OTOGL: variants seen among roughly 807,000 people sequenced by gnomAD.
OTOGL encodes otogelin like.
In OTOGL, 285 loss-of-function variants were observed where a neutral mutation model predicts 318.5. That is an observed-to-expected ratio of 0.89 (90% confidence interval 0.81 to 0.99). The LOEUF is 0.99. Among genes scored for constraint, OTOGL ranks in the 50% least tolerant of loss-of-function variants. OTOGL has a pLI of 0.00. For synonymous variants in OTOGL, 987 were observed against 936.5 expected (o/e 1.05, Z -0.99); for missense variants, 2,899 against 2,845.6 (o/e 1.02, Z -0.43).
chr12:80,283,304 A>G (rs180858174), intron 26 of OTOGL, among the ~76,000 whole-genome samples: 54 of 152,128 alleles, frequency 3.5e-4, no homozygotes, highest in Middle Eastern at 3.4e-3. Context: ...ATAGCGTCAT[A>G]AAGTCAAACC....
chr12:80,275,255 A>G (rs1012751874), intron 24 of OTOGL, among the ~76,000 whole-genome samples: 1 of 151,962 alleles, frequency 6.6e-6, no homozygotes, highest in African/African-American at 2.4e-5. Context: ...AAATATCAAC[A>G]CGAACAGGAG....
chr12:80,141,490 T>C (rs115960378), intron 1 of OTOGL, among the ~76,000 whole-genome samples: 2,825 of 152,236 alleles, frequency 0.019, 82 homozygotes, highest in African/African-American at 0.063. Flanking sequence ...AACTTGAGTA[T>C]TCTGAGCACT....
chr12:80,156,195 G>A (rs189302267), intron 1 of OTOGL, among the ~76,000 whole-genome samples: 15 of 152,316 alleles, frequency 9.8e-5, no homozygotes, highest in Admixed American at 3.3e-4. Flanking sequence ...TGGCCAGAAT[G>A]GAAGCAGGCA....
At chr12:80,174,705 A>G (rs557760498) in intron 1 of OTOGL, among the ~76,000 whole-genome samples, 4 of 152,296 alleles carry the variant, frequency 2.6e-5, no homozygotes, top group African/African-American at 9.6e-5. Flanking sequence ...GGAAGATATC[A>G]TATCTAATCA....
At chr12:80,325,906 G>A (rs1488281535) in intron 35 of OTOGL, among the ~76,000 whole-genome samples, 1 of 152,116 alleles carries the variant, frequency 6.6e-6, no homozygotes, top group Non-Finnish European at 1.5e-5. Flanking sequence ...AGTCTCTGGG[G>A]TGGTGGAACC....
At chr12:80,188,310 C>T (rs556484085) in intron 1 of OTOGL, among the ~76,000 whole-genome samples, 28 of 151,944 alleles carry the variant, frequency 1.8e-4, no homozygotes, top group Middle Eastern at 3.4e-3. Flanking sequence ...GAGGCCGAGG[C>T]GGGCAGATCA....
chr12:80,159,631 C>A (rs1463348869), intron 1 of OTOGL, among the ~76,000 whole-genome samples: 1 of 152,084 alleles, frequency 6.6e-6, no homozygotes, highest in Admixed American at 6.6e-5. Context: ...ACATTCCATG[C>A]TCCTGGATGG....
chr12:80,345,386 C>A (rs1378960733), intron 44 of OTOGL, among the ~76,000 whole-genome samples: 2 of 151,164 alleles, frequency 1.3e-5, no homozygotes, highest in Non-Finnish European at 1.5e-5. Context: ...CAGGCATGTG[C>A]CACCAGGTCT....
At chr12:80,157,477 A>G (rs973807390) in intron 1 of OTOGL, among the ~76,000 whole-genome samples, 3 of 152,090 alleles carry the variant, frequency 2.0e-5, no homozygotes, top group Non-Finnish European at 2.9e-5. Flanking sequence ...GTACTTATAG[A>G]GTACTACTCA....
At chr12:80,291,013 T>A (rs781778989) in intron 26 of OTOGL, among the ~76,000 whole-genome samples, 2 of 152,202 alleles carry the variant, frequency 1.3e-5, no homozygotes, top group Non-Finnish European at 2.9e-5. Context: ...CTCCTGTTAC[T>A]CTCATTTTCT....
chr12:80,263,698 A>T (rs532742205), intron 19 of OTOGL, among the ~76,000 whole-genome samples: 1,567 of 151,096 alleles, frequency 0.01, 8 homozygotes, highest in Non-Finnish European at 0.014. Context: ...TTTTTTTTTA[A>T]AAAAATTCAA....
chr12:80,227,113 C>G (rs1878931998), intron 7 of OTOGL, among the ~76,000 whole-genome samples: 1 of 151,948 alleles, frequency 6.6e-6, no homozygotes, highest in Admixed American at 6.6e-5. Flanking sequence ...TGGAGTGATC[C>G]CTTAATTTTC....
intron 4 of OTOGL, among the ~76,000 whole-genome samples, chr12:80,217,109 A>G (rs901461233): frequency 1.2e-4 from 18 of 152,168 alleles, no homozygotes; most frequent in African/African-American, 4.1e-4. Context: ...CAGGCAGGAC[A>G]TCACCATCTG....
chr12:80,300,356 C>T (rs1437014005), intron 27 of OTOGL, among the ~76,000 whole-genome samples: 1 of 152,002 alleles, frequency 6.6e-6, no homozygotes, highest in African/African-American at 2.4e-5. Context: ...CCAACTCATC[C>T]TGCCTGTGTG....
chr12:80,132,208 G>T (rs1440061521), intron 1 of OTOGL: 1 of 152,082 alleles, frequency 6.6e-6, no homozygotes, highest in Admixed American at 6.5e-5. Flanking sequence ...ACCTATATAA[G>T]TTGTGCTGAA....
chr12:80,323,112 AC>A (rs1790884269), intron 34 of OTOGL, among the ~76,000 whole-genome samples: 1 of 61,812 alleles, frequency 1.6e-5, no homozygotes, highest in Non-Finnish European at 4.9e-5. Flanking sequence ...ACACACACAC[AC>A]ACACACACAC....
chr12:80,101,498 T>A (rs1402782872), intron 1 of OTOGL, among the ~76,000 whole-genome samples: 3 of 152,194 alleles, frequency 2.0e-5, no homozygotes, highest in Non-Finnish European at 4.4e-5. Flanking sequence ...CAGCCTATGT[T>A]CTATCACAAC....
intron 57 of OTOGL, among the ~76,000 whole-genome samples, chr12:80,374,051 A>G (rs1055192521): frequency 1.6e-4 from 24 of 152,166 alleles, no homozygotes; most frequent in Admixed American, 3.9e-4. Flanking sequence ...ATTTGTTATG[A>G]TATTAGTTTG....
chr12:80,143,751 G>T (rs900023768), intron 1 of OTOGL, among the ~76,000 whole-genome samples: 1 of 152,098 alleles, frequency 6.6e-6, no homozygotes, highest in Non-Finnish European at 1.5e-5. Context: ...GCATAAAGGA[G>T]GCCATCAGGA....
Sources: allele counts gnomAD v4.1 joint callset (sites outside exome capture counted in the v4.1 genomes callset), GRCh38; gene constraint gnomAD v4.1.1; transcripts MANE v1.5; gene names NCBI Gene and HGNC (gene_info 2026-07-23, HGNC 2026-07-21).